The following OAS2 variants were observed in gnomAD, a reference collection of about 807,000 sequenced individuals.
The protein encoded by OAS2 is 2'-5'-oligoadenylate synthase 2.
A neutral mutation model predicts 71.3 loss-of-function variants in OAS2; 67 were observed. That is an observed-to-expected ratio of 0.94 (90% confidence interval 0.77 to 1.15). The LOEUF (loss-of-function observed/expected upper bound fraction) is 1.15, where lower values mean the gene tolerates loss of function less well. Among genes scored for constraint, OAS2 ranks in the 50% most tolerant of loss-of-function variants. The pLI is 0.00. For synonymous variants in OAS2, 327 were observed against 321.8 expected (o/e 1.02, Z -0.17); for missense variants, 789 against 822.5 (o/e 0.96, Z 0.50).
At chr12:113,006,902 C>T (rs1307486445) in intron 8 of OAS2, among the ~76,000 whole-genome samples, 1 of 152,186 alleles carries the variant, frequency 6.6e-6, no homozygotes, top group Non-Finnish European at 1.5e-5. Flanking sequence ...TTCACATGCC[C>T]ACACATTGCC....
chr12:113,004,953 GC>G lies in OAS2; in HGVS notation c.1200del (p.Thr401GlnfsTer3), dbSNP rs2044317506. The G allele has an allele frequency of 6.2e-7, 1 of 1,613,908 alleles. No homozygotes were observed. The highest frequency in any genetic ancestry group is 8.5e-7 in the Non-Finnish European group (1 of 1,179,996). Reference sequence around the variant, plus strand: ...CCTTAGGGAGGATCAACCGCCAAAGGCACAGCTCTGAAGACTGGCTCTGATG... The same window carrying G: ...CCTTAGGGAGGATCAACCGCCAAAGGACAGCTCTGAAGACTGGCTCTGATG... Reference protein sequence around the residue: ...QIVRGGSTAKGTALKTGSDAD... With the variant: ...QIVRGGSTAKXTALKTGSDAD... On this transcript the variant is annotated frameshift_variant, in exon 7 of 10. Coordinates refer to ENST00000392583, the MANE Select transcript of OAS2 (RefSeq NM_002535.3). LOFTEE classifies it high-confidence loss of function.
At position 112,978,857 on chromosome 12, in the gene OAS2, G is replaced by C. The variant is rs992880487; in HGVS notation, c.177+72G>C. ...CGGCGGCAGCAAGGCCGAGCTACTGGGTGCTGGGTGCCTATTATGTGCGAG... is the reference window on the plus strand; with the variant it reads ...CGGCGGCAGCAAGGCCGAGCTACTGCGTGCTGGGTGCCTATTATGTGCGAG... On this transcript the variant is annotated intron_variant, in intron 1 of 9. Transcript: ENST00000392583. This position sits in a 1 kb window ranked among gnomAD's most constrained non-coding sequence, Gnocchi z 4.2. 10 of 1,442,954 alleles carry C rather than the reference G, an allele frequency of 6.9e-6. No individual in the cohort carries two copies. In the African/African-American group the frequency reaches 1.4e-4, roughly 20 times the overall value. The allele number at this position is 1,442,954 out of a possible 1,614,324, so 89.4% of individuals were successfully genotyped here.
In OAS2 at chr12:113,009,108, C is replaced by G. The variant is rs374423134; in HGVS notation, c.1917C>G (p.Ala639=). 2 of 1,613,626 alleles carry G rather than the reference C, an allele frequency of 1.2e-6. No homozygotes were observed. Among genetic ancestry groups the G allele is most frequent in the Admixed American group, 3.3e-5 (2 of 59,986 alleles). The part of the protein sequence containing the change: ...QKTRPVILDP[A]EPTGDVGGGD... The stretch of plus-strand genomic sequence containing the variant: ...TCAGGCCTGTGATCTTGGACCCAGC[C>G]GAACCCACAGGTGACGTGGGTGGAG... The change falls in exon 10 of 10, where the codon GCC becomes GCG. Residue 639 remains alanine, a synonymous_variant. Coordinates refer to ENST00000392583, the MANE Select transcript of OAS2 (RefSeq NM_002535.3).
chr12:112,988,153 T>TAAA, intron 2 of OAS2: 10 of 983,744 alleles, frequency 1.0e-5, no homozygotes, highest in Non-Finnish European at 1.2e-5. Flanking sequence ...CCAGGTGTCC[T>TAAA]AAAAGTTCAG....
At chr12:112,997,385 G>C (rs2044243139) in intron 3 of OAS2, 135 bp from the exon 4 acceptor site, 1 of 658,836 alleles carries the variant, frequency 1.5e-6, no homozygotes, top group Admixed American at 3.0e-5. Context: ...ACTTGGTATT[G>C]TCAGTCCACT....
At chr12:113,009,060 C>T in intron 9 of OAS2, 27 bp from the exon 10 acceptor site, 1 of 1,605,536 alleles carries the variant, frequency 6.2e-7, no homozygotes, top group East Asian at 2.2e-5. Flanking sequence ...TTTGGAATCT[C>T]CTAATGCCTT....
Position 112,986,636 on chromosome 12 carries a change from G to A in OAS2, c.178-402G>A, listed in dbSNP as rs141121589. On this transcript the variant is annotated intron_variant, in intron 1 of 9. Coordinates refer to ENST00000392583, the MANE Select transcript of OAS2 (RefSeq NM_002535.3). ...TGTGGATGCTGGTGGCAGGTGGGGCGAGCCTGTCTTCAGGTTCCCTAATGG... is the reference window on the plus strand; with the variant it reads ...TGTGGATGCTGGTGGCAGGTGGGGCAAGCCTGTCTTCAGGTTCCCTAATGG... Among the ~76,000 whole-genome samples the A allele has an allele frequency of 3.2e-3, 490 of 151,744 alleles. 1 individual carries two copies. Among genetic ancestry groups the A allele is most frequent in the African/African-American group, 0.011 (470 of 41,318 alleles).
chr12:112,995,208 CTA>C (rs1446888999), intron 2 of OAS2, 86 bp from the exon 3 acceptor site: 1 of 1,236,138 alleles, frequency 8.1e-7, no homozygotes, highest in African/African-American at 1.5e-5. Context: ...TGCTATCAAA[CTA>C]TAACTGACCT....
chr12:113,001,887 A>AAAAAAAAAAAAT lies in OAS2; in HGVS notation c.1009-1044_1009-1043insAAAAAAAAAATA, dbSNP rs56814612. Among the ~76,000 whole-genome samples, 8 of 110,714 alleles carry AAAAAAAAAAAAT rather than the reference A, an allele frequency of 7.2e-5. 1 individual carries two copies. The highest frequency in any genetic ancestry group is 5.1e-5 in the Non-Finnish European group (3 of 58,332). 72.6% of individuals were successfully genotyped at this position (110,714 alleles called of 152,430 possible). ...ACAAAAAAAAAAAAAAAAAAAAAAAAAGCTAGGCGTGGTGGCACAAACCTG... is the reference window on the plus strand; with the variant it reads ...ACAAAAAAAAAAAAAAAAAAAAAAAAAAAAAAAAAAATAGCTAGGCGTGGTGGCACAAACCTG... On this transcript the variant is annotated intron_variant, in intron 5 of 9. Transcript: ENST00000392583.
Position 113,002,939 on chromosome 12 carries a change from C to A in OAS2, c.1016C>A (p.Pro339Gln). The A allele has an allele frequency of 6.2e-7, 1 of 1,613,940 alleles. No individual in the cohort carries two copies. The change falls in exon 6 of 10, where the codon CCA (proline) becomes CAA (glutamine). Residue 339 changes from proline to glutamine, a missense_variant. By Grantham distance (76) the Pro-to-Gln change is moderately conservative. Transcript: ENST00000392583. ...TCTTCCTTCCTTCCCCAGCCTGCAC[C>A]ACTCTTCACGACCCCAGGCCACCTT... ...PAPSWNVLPA[P>Q]LFTTPGHLLD...
At chr12:113,004,595 G>A (rs567121851) in intron 6 of OAS2, among the ~76,000 whole-genome samples, 13 of 152,276 alleles carry the variant, frequency 8.5e-5, no homozygotes, top group South Asian at 2.1e-4. Flanking sequence ...CATTCCGCTC[G>A]ATTTATTTGG....
rs754476478 is a variant in OAS2 at position 112,995,467 on chromosome 12, A to T, written c.620A>T (p.His207Leu). The change falls in exon 3 of 10, where the codon CAT (histidine) becomes CTT (leucine). Residue 207 changes from histidine to leucine, a missense_variant. Transcript: ENST00000392583. ...TTGATCCTCTTGATAAAGCACTGGC[A>T]TCAACAGGTAATTTTCCAACTGTCT... is the stretch of plus-strand genomic sequence containing the variant. Reference protein sequence around the residue: ...KDLILLIKHWHQQCQKKIKDL... With the variant: ...KDLILLIKHWLQQCQKKIKDL... 6.2e-7 allele frequency: 1 copy of T among 1,611,824 alleles called. No individual in the cohort carries two copies.
chr12:112,993,744 C>T (rs911124587), intron 2 of OAS2, among the ~76,000 whole-genome samples: 24 of 151,648 alleles, frequency 1.6e-4, no homozygotes, highest in Admixed American at 6.6e-5. Context: ...TGGCACACGC[C>T]TGTGGTCCCA....
In OAS2 at chr12:112,995,491, C is replaced by T. The variant is rs1263415538; in HGVS notation, c.627+17C>T. 6.3e-7 allele frequency: 1 copy of T among 1,597,770 alleles called. No homozygotes were observed. The highest frequency in any genetic ancestry group is 8.5e-7 in the Non-Finnish European group (1 of 1,170,350). On this transcript the variant is annotated intron_variant, in intron 3 of 9. Coordinates refer to ENST00000392583, the MANE Select transcript of OAS2 (RefSeq NM_002535.3). ...CATCAACAGGTAATTTTCCAACTGT[C>T]TATATATGGTTATCATTCATTTCCT...
chr12:112,988,016 C>G (rs1421551717), intron 2 of OAS2: 2 of 985,292 alleles, frequency 2.0e-6, no homozygotes, highest in Admixed American at 1.2e-4. Flanking sequence ...AGTAGCTAGG[C>G]ACTCAAAAGG....
intron 2 of OAS2, 125 bp from the exon 3 acceptor site, chr12:112,995,171 C>A: frequency 1.3e-6 from 1 of 794,774 alleles, no homozygotes. Context: ...AGGTACCTGT[C>A]CTCTGACCGA....
chr12:113,002,469 C>T (rs970011118), intron 5 of OAS2, among the ~76,000 whole-genome samples: 4 of 152,166 alleles, frequency 2.6e-5, no homozygotes, highest in South Asian at 2.1e-4. Context: ...CCGCACATGG[C>T]GTGTTTAACG....
chr12:112,979,494 C>T (rs1304818496), intron 1 of OAS2, among the ~76,000 whole-genome samples: 1 of 152,222 alleles, frequency 6.6e-6, no homozygotes, highest in Non-Finnish European at 1.5e-5. Flanking sequence ...TGTCCCCAGC[C>T]CTGGCCCAGG....
intron 1 of OAS2, among the ~76,000 whole-genome samples, chr12:112,986,778 G>C (rs1179160760): frequency 6.6e-6 from 1 of 151,776 alleles, no homozygotes; most frequent in African/African-American, 2.4e-5. Context: ...GGGACAGTAA[G>C]CACAGGTGCT....
Sources: gnomAD v4.1 joint callset for allele counts (sites outside exome capture counted in the v4.1 genomes callset) on GRCh38, gnomAD v4.1.1 for gene constraint, Gnocchi (gnomAD v3.1) non-coding constraint, MANE v1.5 for transcripts, NCBI Gene and HGNC (gene_info 2026-07-23, HGNC 2026-07-21) for gene names.